The following SLIT3 variants were observed in gnomAD, a reference collection of about 807,000 sequenced individuals.
SLIT3 encodes the protein slit guidance ligand 3.
A neutral mutation model predicts 184.0 loss-of-function variants in SLIT3; 68 were observed. That is an observed-to-expected ratio of 0.37 (90% CI 0.30 to 0.45). SLIT3 has a LOEUF of 0.45. Ranked by LOEUF, SLIT3 falls within the 20% of genes least tolerant of loss-of-function variation. SLIT3 has a pLI of 1.00. For missense variants in SLIT3, 1,707 were observed against 2,026.0 expected (o/e 0.84, Z 3.02); for synonymous variants, 831 against 828.6 (o/e 1.00, Z -0.05).
intron 4 of SLIT3, among the ~76,000 whole-genome samples, chr5:169,182,582 T>G (rs1208435986): frequency 6.6e-6 from 1 of 152,204 alleles, no homozygotes; most frequent in Non-Finnish European, 1.5e-5. Flanking sequence ...TTCCCAAATG[T>G]TGGTTGAAAA....
At chr5:168,910,462 C>T (rs952214138) in intron 4 of SLIT3, among the ~76,000 whole-genome samples, 3 of 152,086 alleles carry the variant, frequency 2.0e-5, no homozygotes, top group East Asian at 1.9e-4. Flanking sequence ...TCACAATTGC[C>T]GCCGGGCGTG....
intron 9 of SLIT3, among the ~76,000 whole-genome samples, chr5:168,801,862 C>T (rs543412512): frequency 1.3e-5 from 2 of 152,208 alleles, no homozygotes; most frequent in Non-Finnish European, 2.9e-5. Flanking sequence ...CTCTGGTATT[C>T]GGGGACACCA....
At chr5:169,219,804 A>T (rs1296409439) in intron 3 of SLIT3, among the ~76,000 whole-genome samples, 1 of 152,230 alleles carries the variant, frequency 6.6e-6, no homozygotes, top group Non-Finnish European at 1.5e-5. Context: ...AAGTATAAAG[A>T]CAGGCATCTG....
intron 4 of SLIT3, among the ~76,000 whole-genome samples, chr5:169,068,535 C>G (rs1292694794): frequency 6.6e-6 from 1 of 152,178 alleles, no homozygotes; most frequent in African/African-American, 2.4e-5. Context: ...TACTCAGCTT[C>G]CTAGTGGCCA....
intron 5 of SLIT3, among the ~76,000 whole-genome samples, chr5:168,875,790 G>A (rs1211010722): frequency 1.3e-5 from 2 of 151,998 alleles, no homozygotes; most frequent in East Asian, 1.9e-4. Flanking sequence ...AGGAAGAAAG[G>A]AAGGGAAAGA....
Position 168,924,502 on chromosome 5 carries a change from GTGTGTA to G in SLIT3, c.414-41172_414-41167del, listed in dbSNP as rs1178706749. On this transcript the variant is annotated intron_variant, in intron 4 of 35. Transcript: ENST00000519560. Reference sequence around the variant, plus strand: ...TTTAAGGGTGTGTAAGGGTGTGTGTGTGTGTATGTGTGTGTGTGTGTGTGTGTAGCT... The same window carrying G: ...TTTAAGGGTGTGTAAGGGTGTGTGTGTGTGTGTGTGTGTGTGTGTGTAGCT... 2.5e-3 allele frequency among the ~76,000 whole-genome samples: 347 copies of G among 136,130 alleles called. 2 individuals are homozygous for G. Among genetic ancestry groups the G allele is most frequent in the Middle Eastern group, 0.018 (5 of 280 alleles). The allele number at this position is 136,130 out of a possible 152,430, so 89.3% of individuals were successfully genotyped here. A position where few individuals can be genotyped will look rare whatever the true frequency, so the allele number is the denominator to read the frequency against.
At chr5:168,897,012 G>A (rs188293787) in intron 4 of SLIT3, among the ~76,000 whole-genome samples, 3 of 152,206 alleles carry the variant, frequency 2.0e-5, no homozygotes, top group African/African-American at 7.2e-5. Flanking sequence ...AGGTTCATCT[G>A]TCACCACTAA....
chr5:168,690,611 T>G (rs1411110386), intron 29 of SLIT3, among the ~76,000 whole-genome samples: 1 of 152,160 alleles, frequency 6.6e-6, no homozygotes, highest in East Asian at 1.9e-4. Context: ...AGATCAGCAG[T>G]GAACTGAAGT....
intron 4 of SLIT3, among the ~76,000 whole-genome samples, chr5:168,884,410 GTCTC>G (rs200163535): frequency 5.5e-5 from 3 of 54,396 alleles, no homozygotes; most frequent in African/African-American, 1.0e-4. Flanking sequence ...TATAAAAGGT[GTCTC>G]TCTCTCTCTC....
Position 168,771,095 on chromosome 5 carries a change from C to T in SLIT3, c.1459+1686G>A, listed in dbSNP as rs185491548. 2.0e-5 allele frequency among the ~76,000 whole-genome samples: 3 copies of T among 152,336 alleles called. No individual in the cohort carries two copies. The East Asian group carries it at 5.8e-4, about 29-fold the overall frequency. On this transcript the variant is annotated intron_variant, in intron 14 of 35. Coordinates refer to ENST00000519560, the MANE Select transcript of SLIT3 (RefSeq NM_003062.4). ...CAGATAATACCCTGCCCTCCTCTGG[C>T]TCTCACTGTCCTTCTTTTTGGGTAC...
At chr5:168,712,140 A>T (rs1762578622) in intron 24 of SLIT3, 143 bp downstream of exon 24, 3 of 705,622 alleles carry the variant, frequency 4.3e-6, no homozygotes, top group African/African-American at 1.7e-5. Flanking sequence ...GACAATATGC[A>T]TAGTGTGGAT....
chr5:169,215,808 A>C (rs1265197191), intron 3 of SLIT3, among the ~76,000 whole-genome samples: 2 of 152,208 alleles, frequency 1.3e-5, no homozygotes, highest in African/African-American at 2.4e-5. Context: ...TGTTTGAAAA[A>C]CTTCTTTCCT....
chr5:169,182,304 GTC>G (rs1381644589), intron 4 of SLIT3, among the ~76,000 whole-genome samples: 1 of 152,106 alleles, frequency 6.6e-6, no homozygotes, highest in Non-Finnish European at 1.5e-5. Flanking sequence ...TGACTTAAAC[GTC>G]TCCATTTCTA....
intron 16 of SLIT3, among the ~76,000 whole-genome samples, chr5:168,758,654 C>T (rs1755033964): frequency 1.3e-5 from 2 of 152,150 alleles, no homozygotes; most frequent in African/African-American, 4.8e-5. Flanking sequence ...ACACAGCATT[C>T]GCTGGAGCCA....
At chr5:168,874,005 C>A (rs1206746332) in intron 5 of SLIT3, among the ~76,000 whole-genome samples, 3 of 152,166 alleles carry the variant, frequency 2.0e-5, no homozygotes, top group Admixed American at 2.0e-4. Flanking sequence ...AGTCCAATGG[C>A]AAATGTCTCC....
At chr5:168,971,819 C>G (rs1019543404) in intron 4 of SLIT3, among the ~76,000 whole-genome samples, 3 of 152,208 alleles carry the variant, frequency 2.0e-5, no homozygotes, top group African/African-American at 7.2e-5. Context: ...ACCCTCCCTC[C>G]CTTGAGCATA....
intron 20 of SLIT3, among the ~76,000 whole-genome samples, chr5:168,729,958 A>G (rs1325814757): frequency 6.6e-6 from 1 of 152,152 alleles, no homozygotes; most frequent in Non-Finnish European, 1.5e-5. Flanking sequence ...TGATCCAACT[A>G]TATCCTGCCT....
intron 4 of SLIT3, among the ~76,000 whole-genome samples, chr5:169,108,838 A>G (rs1021530841): frequency 1.3e-5 from 2 of 152,178 alleles, no homozygotes; most frequent in Admixed American, 6.5e-5. Flanking sequence ...TCAGCACTAA[A>G]ACATTGCCTA....
intron 7 of SLIT3, among the ~76,000 whole-genome samples, chr5:168,822,831 C>T (rs1256958564): frequency 1.3e-5 from 2 of 152,182 alleles, no homozygotes; most frequent in Non-Finnish European, 2.9e-5. Context: ...TGTCATTCCT[C>T]AGGGGAAAAC....
Sources: allele counts gnomAD v4.1 joint callset (sites outside exome capture counted in the v4.1 genomes callset), GRCh38; gene constraint gnomAD v4.1.1; transcripts MANE v1.5; gene names NCBI Gene and HGNC (gene_info 2026-07-23, HGNC 2026-07-21).